DACH2: variants seen among roughly 807,000 people sequenced by gnomAD.
DACH2 encodes the protein dachshund homolog 2.
DACH2 carries 17 observed loss-of-function variants against 35.8 expected under a neutral mutation model. The ratio of observed to expected loss-of-function variants is 0.48; its 90% CI spans 0.33 to 0.71. The LOEUF (loss-of-function observed/expected upper bound fraction) is 0.71, where lower values mean the gene tolerates loss of function less well. Ranked by LOEUF, DACH2 falls within the 30% of genes least tolerant of loss-of-function variation. The probability of loss-of-function intolerance (pLI) is 0.02; values close to 1 mark genes in which losing one functional copy is unlikely to be tolerated. For missense variants in DACH2, 469 were observed against 472.7 expected, an observed-to-expected ratio of 0.99 and a Z score of 0.07; for synonymous variants, 195 against 177.3, an observed-to-expected ratio of 1.10 and a Z score of -0.79.
intron 1 of DACH2, among the ~76,000 whole-genome samples, chrX:86,214,001 C>A (rs1031415555): frequency 3.6e-5 from 4 of 110,531 alleles, no homozygotes; most frequent in African/African-American, 1.3e-4. Flanking sequence ...GACTTTTGAC[C>A]CCATTTTCAA....
intron 1 of DACH2, among the ~76,000 whole-genome samples, chrX:86,297,386 G>A (rs1046759085): frequency 7.2e-5 from 8 of 111,508 alleles, no homozygotes; most frequent in Non-Finnish European, 1.5e-4. Flanking sequence ...GCAGTGGTGT[G>A]TGAGCAGCTG....
At chrX:86,486,601 T>C (rs2038022644) in intron 2 of DACH2, among the ~76,000 whole-genome samples, 1 of 111,740 alleles carries the variant, frequency 8.9e-6, no homozygotes, top group Admixed American at 9.6e-5. Context: ...GTTGAGACTG[T>C]TTCTTTCCAC....
At chrX:86,254,807 T>TATATATATATAGAGAG (rs1380613474) in intron 1 of DACH2, among the ~76,000 whole-genome samples, 19 of 49,642 alleles carry the variant, frequency 3.8e-4, no homozygotes, top group African/African-American at 8.2e-4. Context: ...TATATATATA[T>TATATATATATAGAGAG]AGAGAGAGAG....
chrX:86,766,917 G>T (rs2041940874), intron 7 of DACH2, among the ~76,000 whole-genome samples: 1 of 111,325 alleles, frequency 9.0e-6, no homozygotes, highest in African/African-American at 3.3e-5. Context: ...GAAAGAAATG[G>T]ATAGCTGATG....
chrX:86,819,148 C>T (rs1404546567), intron 11 of DACH2, among the ~76,000 whole-genome samples: 1 of 108,805 alleles, frequency 9.2e-6, no homozygotes, highest in East Asian at 2.9e-4. Flanking sequence ...TATGCATAGA[C>T]CAAGTTTCCA....
intron 5 of DACH2, among the ~76,000 whole-genome samples, chrX:86,695,997 C>A (rs1047796800): frequency 3.6e-5 from 4 of 111,723 alleles, no homozygotes; most frequent in African/African-American, 1.3e-4. Context: ...ATATATATCA[C>A]AAGTAGTATT....
At chrX:86,287,287 C>A (rs2034172203) in intron 1 of DACH2, among the ~76,000 whole-genome samples, 1 of 111,685 alleles carries the variant, frequency 9.0e-6, no homozygotes, top group African/African-American at 3.2e-5. Flanking sequence ...TTATTTGTTT[C>A]TTTTCTTTTG....
chrX:86,218,045 TTCTG>T (rs1363128480), intron 1 of DACH2, among the ~76,000 whole-genome samples: 1 of 111,742 alleles, frequency 8.9e-6, no homozygotes, highest in African/African-American at 3.3e-5. Flanking sequence ...TTATCACTCA[TTCTG>T]TCTATTTACT....
At chrX:86,238,749 A>C (rs2033106293) in intron 1 of DACH2, among the ~76,000 whole-genome samples, 1 of 111,387 alleles carries the variant, frequency 9.0e-6, no homozygotes, top group South Asian at 3.7e-4. Flanking sequence ...ATGAAAGAAC[A>C]TGAAATTAAT....
intron 3 of DACH2, among the ~76,000 whole-genome samples, chrX:86,526,501 T>C (rs2038634966): frequency 9.0e-6 from 1 of 111,473 alleles, no homozygotes; most frequent in Admixed American, 9.5e-5. Flanking sequence ...ATCTAGATCA[T>C]GTTTTGAACT....
At chrX:86,758,861 A>G (rs1328818829) in intron 7 of DACH2, among the ~76,000 whole-genome samples, 3 of 112,635 alleles carry the variant, frequency 2.7e-5, no homozygotes. Flanking sequence ...TAATAATCAC[A>G]TGATACTATA....
chrX:86,181,647 C>T (rs1424434608), intron 1 of DACH2, among the ~76,000 whole-genome samples: 2 of 111,313 alleles, frequency 1.8e-5, no homozygotes, highest in African/African-American at 3.3e-5. Flanking sequence ...AATAAACATA[C>T]GTGTGCATGT....
chrX:86,775,573 G>T (rs918149116), intron 7 of DACH2, among the ~76,000 whole-genome samples: 39 of 111,474 alleles, frequency 3.5e-4, no homozygotes, highest in African/African-American at 1.3e-3. Context: ...CATGAAACCA[G>T]TCCCTTTTGC....
At chrX:86,588,733 A>G (rs961123278) in intron 3 of DACH2, among the ~76,000 whole-genome samples, 1 of 111,147 alleles carries the variant, frequency 9.0e-6, no homozygotes, top group African/African-American at 3.3e-5. Flanking sequence ...CCTTTCCTGC[A>G]GTCATTTATC....
chrX:86,453,888 A>G (rs1368782072), intron 2 of DACH2, among the ~76,000 whole-genome samples: 2 of 111,305 alleles, frequency 1.8e-5, no homozygotes, highest in Non-Finnish European at 3.8e-5. Flanking sequence ...GTCTGTGTAC[A>G]GCAGTGTGTT....
chrX:86,813,358 T>A, intron 9 of DACH2, 81 bp downstream of exon 9: 2 of 922,525 alleles, frequency 2.2e-6, no homozygotes, highest in Non-Finnish European at 2.9e-6. Context: ...CTCCAAGATA[T>A]CTTGGAGGCT....
intron 4 of DACH2, among the ~76,000 whole-genome samples, chrX:86,685,777 T>C (rs563113333): frequency 3.6e-5 from 4 of 110,521 alleles, no homozygotes; most frequent in African/African-American, 1.3e-4. Flanking sequence ...TTCCACACAC[T>C]TTAAAATAAT....
chrX:86,270,023 T>TTATATATATATA (rs201548278), intron 1 of DACH2, among the ~76,000 whole-genome samples: 2 of 97,745 alleles, frequency 2.0e-5, no homozygotes, highest in East Asian at 6.3e-4. Context: ...TATATATATA[T>TTATATATATATA]TATATATATA....
intron 1 of DACH2, among the ~76,000 whole-genome samples, chrX:86,164,228 G>C (rs936208666): frequency 1.8e-5 from 2 of 111,594 alleles, no homozygotes; most frequent in Non-Finnish European, 3.8e-5. Flanking sequence ...CCACATGTCT[G>C]TCTTCTTTTG....
Sources: allele counts gnomAD v4.1 joint callset (sites outside exome capture counted in the v4.1 genomes callset), GRCh38; gene constraint gnomAD v4.1.1; transcripts MANE v1.5; gene names NCBI Gene and HGNC (gene_info 2026-07-23, HGNC 2026-07-21).